GPC6: variants seen among roughly 807,000 people sequenced by gnomAD.
The protein encoded by GPC6 is glypican 6, also known as glypican-6.
In GPC6, 14 loss-of-function variants were observed where a neutral mutation model predicts 55.2. The ratio of observed to expected loss-of-function variants is 0.25; its 90% confidence interval spans 0.17 to 0.40. The LOEUF is 0.40. GPC6 is among the 10% of genes least tolerant of loss of function. The probability of loss-of-function intolerance (pLI) is 1.00; values close to 1 mark genes in which losing one functional copy is unlikely to be tolerated. For missense variants in GPC6, 641 were observed against 708.5 expected, an observed-to-expected ratio of 0.90 and a Z score of 1.08; for synonymous variants, 278 against 259.6, an observed-to-expected ratio of 1.07 and a Z score of -0.68.
chr13:93,526,933 G>T (rs1433765007), intron 1 of GPC6, among the ~76,000 whole-genome samples: 1 of 151,964 alleles, frequency 6.6e-6, no homozygotes, highest in African/African-American at 2.4e-5. Context: ...TGTTTTGTTG[G>T]CAGTCTAAGA....
chr13:93,687,015 T>C (rs923439017), intron 2 of GPC6, among the ~76,000 whole-genome samples: 1 of 152,036 alleles, frequency 6.6e-6, no homozygotes, highest in African/African-American at 2.4e-5. Flanking sequence ...TAAATTAAAA[T>C]ACTGTAACAA....
intron 5 of GPC6, among the ~76,000 whole-genome samples, chr13:94,288,644 C>T (rs577195860): frequency 6.8e-6 from 1 of 147,810 alleles, no homozygotes; most frequent in East Asian, 2.0e-4. Flanking sequence ...ATGTTTTTCA[C>T]TCTTCTTACC....
chr13:93,958,884 C>A (rs1327509195), intron 3 of GPC6, among the ~76,000 whole-genome samples: 3 of 152,204 alleles, frequency 2.0e-5, no homozygotes, highest in Admixed American at 2.0e-4. Context: ...TTGTAGAAAT[C>A]TTTCACTTCT....
At chr13:93,938,737 C>A (rs1378421686) in intron 3 of GPC6, among the ~76,000 whole-genome samples, 1 of 152,082 alleles carries the variant, frequency 6.6e-6, no homozygotes, top group Non-Finnish European at 1.5e-5. Context: ...GATTTTCTTG[C>A]AGGAAAAGAA....
chr13:93,462,163 A>T (rs1462535056), intron 1 of GPC6, among the ~76,000 whole-genome samples: 1 of 152,170 alleles, frequency 6.6e-6, no homozygotes, highest in African/African-American at 2.4e-5. Context: ...TAGCTTGAAG[A>T]TTTATTATGT....
rs560572925 is a variant in GPC6, at chr13:93,707,126, A to T, written c.320-123028A>T. 2.6e-5 allele frequency among the ~76,000 whole-genome samples: 4 copies of T among 151,892 alleles called. No individual in the cohort carries two copies. The East Asian group carries it at 5.9e-4, about 22-fold the overall frequency. On this transcript the variant is annotated intron_variant, in intron 2 of 8. Coordinates refer to ENST00000377047, the MANE Select transcript of GPC6 (RefSeq NM_005708.5). ...TATACTTACCTATAATTTCAAATTT[A>T]AAAAAATCTATCATTTCCATAGTTA...
chr13:93,292,508 G>A (rs1878349559), intron 1 of GPC6, among the ~76,000 whole-genome samples: 1 of 152,064 alleles, frequency 6.6e-6, no homozygotes, highest in Non-Finnish European at 1.5e-5. Context: ...TTATAAATAT[G>A]CTCACAAATA....
chr13:93,985,606 C>CCATTGAGCCCAGGAATTCCAGGCCA (rs1160983543), intron 3 of GPC6, among the ~76,000 whole-genome samples: 1 of 140,320 alleles, frequency 7.1e-6, no homozygotes, highest in African/African-American at 2.6e-5. Flanking sequence ...GTGGGAGGAT[C>CCATTGAGCCCAGGAATTCCAGGCCA]CATTGAGCCC....
chr13:93,627,301 G>A (rs1879243409), intron 2 of GPC6, among the ~76,000 whole-genome samples: 1 of 152,080 alleles, frequency 6.6e-6, no homozygotes, highest in South Asian at 2.1e-4. Context: ...ATGGTTTCCA[G>A]CTTCATCCAT....
At chr13:94,006,069 C>G (rs1259293561) in intron 3 of GPC6, among the ~76,000 whole-genome samples, 1 of 152,072 alleles carries the variant, frequency 6.6e-6, no homozygotes, top group African/African-American at 2.4e-5. Context: ...ATGAACATGA[C>G]AGATAGGAAC....
chr13:93,748,363 T>C (rs1884470716), intron 2 of GPC6, among the ~76,000 whole-genome samples: 1 of 152,150 alleles, frequency 6.6e-6, no homozygotes, highest in South Asian at 2.1e-4. Context: ...CTTATTTCAC[T>C]TTTTATTTGT....
At chr13:94,035,001 A>G (rs1883285168) in intron 4 of GPC6, among the ~76,000 whole-genome samples, 1 of 151,702 alleles carries the variant, frequency 6.6e-6, no homozygotes, top group Admixed American at 6.6e-5. Context: ...TCTATGAGAA[A>G]CAACAACAGA....
At chr13:94,385,545 ATAT>A (rs2139211482) in intron 7 of GPC6, among the ~76,000 whole-genome samples, 1 of 152,360 alleles carries the variant, frequency 6.6e-6, no homozygotes, top group South Asian at 2.1e-4. Flanking sequence ...ATGCATAAGT[ATAT>A]TATTAAAAGA....
At chr13:94,078,579 C>A (rs1439483412) in intron 4 of GPC6, among the ~76,000 whole-genome samples, 1 of 151,836 alleles carries the variant, frequency 6.6e-6, no homozygotes, top group African/African-American at 2.4e-5. Context: ...ATTGATGCTG[C>A]AGACATACTA....
chr13:94,087,469 T>C (rs745809902), intron 4 of GPC6, among the ~76,000 whole-genome samples: 1 of 152,218 alleles, frequency 6.6e-6, no homozygotes, highest in Non-Finnish European at 1.5e-5. Context: ...TCAAGTATCA[T>C]TGTTTGATCA....
At chr13:94,078,265 A>C (rs1884988670) in intron 4 of GPC6, among the ~76,000 whole-genome samples, 2 of 151,972 alleles carry the variant, frequency 1.3e-5, no homozygotes, top group African/African-American at 2.4e-5. Flanking sequence ...CAACAAAATT[A>C]GTACTGAAAG....
intron 2 of GPC6, among the ~76,000 whole-genome samples, chr13:93,579,893 C>T (rs1876854735): frequency 6.6e-6 from 1 of 152,066 alleles, no homozygotes; most frequent in Non-Finnish European, 1.5e-5. Flanking sequence ...TTCCATTATC[C>T]ATAGACCCCT....
chr13:94,314,422 A>G (rs1876413838), intron 6 of GPC6, among the ~76,000 whole-genome samples: 1 of 152,244 alleles, frequency 6.6e-6, no homozygotes, highest in Admixed American at 6.5e-5. Flanking sequence ...CAAATTAAAC[A>G]GAAGCTTTGT....
chr13:93,969,103 GA>G (rs1455794896), intron 3 of GPC6, among the ~76,000 whole-genome samples: 2 of 152,142 alleles, frequency 1.3e-5, no homozygotes, highest in Non-Finnish European at 2.9e-5. Context: ...ACCAACCGAA[GA>G]GATAATAAAA....
Sources: gnomAD v4.1 joint callset for allele counts (sites outside exome capture counted in the v4.1 genomes callset) on GRCh38, gnomAD v4.1.1 for gene constraint, MANE v1.5 for transcripts, NCBI Gene and HGNC (gene_info 2026-07-23, HGNC 2026-07-21) for gene names.